The following ZNF385D variants were observed in gnomAD, a reference collection of about 807,000 sequenced individuals.
The protein encoded by ZNF385D is zinc finger protein 385D.
In ZNF385D, 15 loss-of-function variants were observed where a neutral mutation model predicts 35.8. The ratio of observed to expected loss-of-function variants is 0.42; its 90% CI spans 0.28 to 0.64. The LOEUF (loss-of-function observed/expected upper bound fraction) is 0.64, where lower values mean the gene tolerates loss of function less well. Ranked by LOEUF, ZNF385D falls within the 30% of genes least tolerant of loss-of-function variation. ZNF385D has a pLI of 0.23. For synonymous variants in ZNF385D, 212 were observed against 186.8 expected, an observed-to-expected ratio of 1.13 and a Z score of -1.10; for missense variants, 474 against 494.6, an observed-to-expected ratio of 0.96 and a Z score of 0.39.
At chr3:22,150,221 T>A (rs1282190510) in intron 3 of ZNF385D, among the ~76,000 whole-genome samples, 2 of 152,140 alleles carry the variant, frequency 1.3e-5, no homozygotes, top group Non-Finnish European at 2.9e-5. Flanking sequence ...TTTCTTAATG[T>A]CCATATTTCC....
chr3:22,203,815 G>A (rs750405301), intron 2 of ZNF385D, among the ~76,000 whole-genome samples: 8 of 152,128 alleles, frequency 5.3e-5, no homozygotes, highest in Middle Eastern at 3.2e-3. Flanking sequence ...TAGCTCAGTC[G>A]CAGTAGAATA....
At chr3:21,700,809 T>C (rs2067654176) in intron 1 of ZNF385D, among the ~76,000 whole-genome samples, 1 of 152,250 alleles carries the variant, frequency 6.6e-6, no homozygotes, top group Admixed American at 6.5e-5. Context: ...ATGATTGAAA[T>C]GTACAGGTAA....
At chr3:21,792,207 CT>C (rs1424785898) in intron 3 of ZNF385D, among the ~76,000 whole-genome samples, 3 of 152,108 alleles carry the variant, frequency 2.0e-5, no homozygotes, top group Non-Finnish European at 4.4e-5. Context: ...CAGATACATT[CT>C]GATGCCCCTC....
At chr3:22,333,948 T>C (rs9874518) in intron 2 of ZNF385D, among the ~76,000 whole-genome samples, 31,354 of 152,218 alleles carry the variant, frequency 0.21, 3,633 homozygotes, top group Non-Finnish European at 0.27. Context: ...AGATACTTGT[T>C]CCATACATTC....
chr3:21,933,267 T>A (rs1000902301), intron 3 of ZNF385D, among the ~76,000 whole-genome samples: 1 of 152,210 alleles, frequency 6.6e-6, no homozygotes, highest in African/African-American at 2.4e-5. Flanking sequence ...TCTGTGAAAT[T>A]AGGAGTTGCA....
chr3:21,926,700 G>C (rs1700747125), intron 3 of ZNF385D, among the ~76,000 whole-genome samples: 1 of 152,126 alleles, frequency 6.6e-6, no homozygotes, highest in Non-Finnish European at 1.5e-5. Flanking sequence ...AAAAACCTCA[G>C]AAGAAAACCT....
chr3:21,673,657 G>T (rs1005482877), intron 1 of ZNF385D, among the ~76,000 whole-genome samples: 1 of 152,060 alleles, frequency 6.6e-6, no homozygotes, highest in South Asian at 2.1e-4. Flanking sequence ...TGTGAGCAAT[G>T]ATGATCATAC....
intron 3 of ZNF385D, among the ~76,000 whole-genome samples, chr3:22,019,001 C>A (rs534628285): frequency 6.9e-6 from 1 of 144,658 alleles, no homozygotes; most frequent in Non-Finnish European, 1.5e-5. Flanking sequence ...TACTTCTTTA[C>A]CACTTCCCAG....
At chr3:22,099,225 A>T (rs1306484500) in intron 3 of ZNF385D, among the ~76,000 whole-genome samples, 1 of 152,110 alleles carries the variant, frequency 6.6e-6, no homozygotes, top group Non-Finnish European at 1.5e-5. Flanking sequence ...TAGTATGCAC[A>T]GTATTAAGCT....
At chr3:22,163,700 C>T (rs1420107792) in intron 3 of ZNF385D, among the ~76,000 whole-genome samples, 1 of 152,072 alleles carries the variant, frequency 6.6e-6, no homozygotes, top group African/African-American at 2.4e-5. Context: ...ACTAAAGTAC[C>T]TGTTTGGATA....
chr3:22,139,215 C>G (rs991225167), intron 3 of ZNF385D, among the ~76,000 whole-genome samples: 1 of 152,108 alleles, frequency 6.6e-6, no homozygotes, highest in African/African-American at 2.4e-5. Flanking sequence ...GGCGATTCCT[C>G]AGGGATCTAG....
intron 3 of ZNF385D, chr3:21,777,741 TG>T (rs2071343768): frequency 2.0e-5 from 3 of 151,958 alleles, no homozygotes; most frequent in Admixed American, 2.0e-4. Flanking sequence ...TGCCTTATTT[TG>T]TACTTGGTTT....
intron 2 of ZNF385D, among the ~76,000 whole-genome samples, chr3:22,329,437 A>C (rs1694833597): frequency 6.6e-6 from 1 of 152,128 alleles, no homozygotes; most frequent in Admixed American, 6.5e-5. Flanking sequence ...AAGTTTTAAA[A>C]TTGTTCTCTT....
At chr3:21,713,996 G>A (rs867959619) in intron 1 of ZNF385D, among the ~76,000 whole-genome samples, 1 of 151,996 alleles carries the variant, frequency 6.6e-6, no homozygotes, top group Non-Finnish European at 1.5e-5. Context: ...TAAGCCTTTG[G>A]TCAATCAATA....
At chr3:21,552,182 C>A (rs765423966) in intron 3 of ZNF385D, among the ~76,000 whole-genome samples, 4 of 152,112 alleles carry the variant, frequency 2.6e-5, no homozygotes, top group African/African-American at 9.7e-5. Flanking sequence ...AAAGGGCTGT[C>A]GCATTGGGCT....
intron 2 of ZNF385D, among the ~76,000 whole-genome samples, chr3:22,184,236 C>T (rs971458939): frequency 3.3e-5 from 5 of 152,136 alleles, no homozygotes; most frequent in Non-Finnish European, 7.4e-5. Context: ...CCTTCCAATG[C>T]AATAAATCCT....
At chr3:22,097,052 A>T (rs1701671314) in intron 3 of ZNF385D, among the ~76,000 whole-genome samples, 1 of 152,080 alleles carries the variant, frequency 6.6e-6, no homozygotes, top group Non-Finnish European at 1.5e-5. Flanking sequence ...TCTAGGAGAA[A>T]GTGACTGCAT....
intron 3 of ZNF385D, chr3:21,563,436 T>C (rs2063026243): frequency 6.6e-6 from 1 of 152,232 alleles, no homozygotes; most frequent in Admixed American, 6.5e-5. Flanking sequence ...TCAATGGATA[T>C]TGTAAAATTA....
chr3:21,674,230 C>T (rs145652620), intron 1 of ZNF385D, among the ~76,000 whole-genome samples: 5 of 152,046 alleles, frequency 3.3e-5, no homozygotes, highest in East Asian at 1.9e-4. Flanking sequence ...GTGACCTTTA[C>T]GAGCCATTTA....
Sources: allele counts gnomAD v4.1 joint callset (sites outside exome capture counted in the v4.1 genomes callset), GRCh38; gene constraint gnomAD v4.1.1; transcripts MANE v1.5; gene names NCBI Gene and HGNC (gene_info 2026-07-23, HGNC 2026-07-21).